Variants in IMPA1 observed in about 807,000 individuals in gnomAD.
The protein encoded by IMPA1 is D-galactose 1-phosphate phosphatase.
A neutral mutation model predicts 34.9 loss-of-function variants in IMPA1; 21 were observed. The observed-to-expected ratio is 0.60, with a 90% CI of 0.43 to 0.87. The LOEUF (loss-of-function observed/expected upper bound fraction) is 0.87, where lower values mean the gene tolerates loss of function less well. Ranked by LOEUF, IMPA1 falls within the 40% of genes least tolerant of loss-of-function variation. IMPA1 has a pLI of 0.00. For missense variants in IMPA1, 299 were observed against 336.4 expected (o/e 0.89, Z 0.87); for synonymous variants, 95 against 104.4 (o/e 0.91, Z 0.55).
chr8:81,660,110 G>A (rs752114066), intron 8 of IMPA1, among the ~76,000 whole-genome samples: 34 of 152,220 alleles, frequency 2.2e-4, no homozygotes, highest in Admixed American at 5.2e-4. Flanking sequence ...CACTAATGAC[G>A]GCTGATGAGC....
At chr8:81,667,556 AG>A (rs1429854681) in intron 7 of IMPA1, among the ~76,000 whole-genome samples, 15 of 152,132 alleles carry the variant, frequency 9.9e-5, no homozygotes. Context: ...AAGAATTCAG[AG>A]GAGCAGGCTA....
At chr8:81,663,483 C>A (rs1404300585) in intron 7 of IMPA1, among the ~76,000 whole-genome samples, 1 of 152,110 alleles carries the variant, frequency 6.6e-6, no homozygotes, top group African/African-American at 2.4e-5. Context: ...GGATTCTAGC[C>A]CTATTTCTAT....
intron 1 of IMPA1, among the ~76,000 whole-genome samples, chr8:81,684,665 A>G (rs1205449239): frequency 4.2e-5 from 6 of 141,794 alleles, no homozygotes; most frequent in Admixed American, 2.9e-4. Flanking sequence ...TATACTACAC[A>G]TAAGTATATT....
intron 1 of IMPA1, 133 bp downstream of exon 1, chr8:81,686,119 A>G: frequency 5.0e-6 from 4 of 807,550 alleles, no homozygotes; most frequent in Non-Finnish European, 6.7e-6. Context: ...GGGGTCACCC[A>G]GAGGCTGCCT....
rs757722445 is a variant in IMPA1 at position 81,681,485 on chromosome 8, T to C, written c.63+13A>G. The C allele has an allele frequency of 6.8e-7, 1 of 1,468,666 alleles. No homozygotes were observed. The highest frequency in any genetic ancestry group is 1.7e-5 in the Admixed American group (1 of 59,812). 91.0% of individuals were successfully genotyped at this position (1,468,666 alleles called of 1,614,324 possible). A position where few individuals can be genotyped will look rare whatever the true frequency, so the allele number is the denominator to read the frequency against. On this transcript the variant is annotated intron_variant, in intron 2 of 8. Coordinates refer to ENST00000256108, the MANE Select transcript of IMPA1 (RefSeq NM_005536.4). ...TTATAATTGATTATAATTGACAAAA[T>C]CTTAGCTCATACCTCTCCAGCTTGT... is the stretch of plus-strand genomic sequence containing the variant.
At chr8:81,660,426 A>G (rs1293104596) in intron 8 of IMPA1, 90 bp downstream of exon 8, 4 of 1,145,304 alleles carry the variant, frequency 3.5e-6, no homozygotes, top group Non-Finnish European at 5.1e-6. Flanking sequence ...AAACTGCAGT[A>G]TAACATATAT....
chr8:81,684,587 GTATCTTTAGATATATATATCTAGTA>G lies in IMPA1; in HGVS notation c.-25+1640_-25+1664del, dbSNP rs200432252. Among the ~76,000 whole-genome samples the G allele has an allele frequency of 7.9e-3, 1,053 of 132,928 alleles. 67 individuals are homozygous for G. Among genetic ancestry groups the G allele is most frequent in the Non-Finnish European group, 9.4e-3 (592 of 62,868 alleles). The allele number at this position is 132,928 out of a possible 152,430, so 87.2% of individuals were successfully genotyped here. A position where few individuals can be genotyped will look rare whatever the true frequency, so the allele number is the denominator to read the frequency against. ...TGTGTAGTATATATACTACACATAA[GTATCTTTAGATATATATATCTAGTA>G]TATATATACTACACATAAGTATATA... is the stretch of plus-strand genomic sequence containing the variant. On this transcript the variant is annotated intron_variant, in intron 1 of 8. Coordinates refer to ENST00000256108, the MANE Select transcript of IMPA1 (RefSeq NM_005536.4).
At chr8:81,680,533 G>C in intron 3 of IMPA1, 117 bp downstream of exon 3, 2 of 737,706 alleles carry the variant, frequency 2.7e-6, no homozygotes, top group Non-Finnish European at 4.4e-6. Flanking sequence ...CCAACACTTT[G>C]ACTGTAACTT....
chr8:81,669,409 T>C (rs1380316548), intron 7 of IMPA1, among the ~76,000 whole-genome samples: 2 of 152,220 alleles, frequency 1.3e-5, no homozygotes, highest in Non-Finnish European at 2.9e-5. Context: ...CCAGAGGCCT[T>C]TACCCAGCCC....
At chr8:81,674,702 C>A in intron 5 of IMPA1, 1 of 385,392 alleles carries the variant, frequency 2.6e-6, no homozygotes, top group Admixed American at 3.5e-5. Flanking sequence ...AGGCTTTTTT[C>A]TTCCTTCTCC....
chr8:81,661,470 T>C (rs1482371916), intron 7 of IMPA1, among the ~76,000 whole-genome samples: 1 of 152,262 alleles, frequency 6.6e-6, no homozygotes, highest in Non-Finnish European at 1.5e-5. Flanking sequence ...ACATTACTTT[T>C]GCGGCATTCC....
chr8:81,673,922 C>T lies in IMPA1; in HGVS notation c.376G>A (p.Val126Met), dbSNP rs1241114808. 1 of 1,611,074 alleles carries T rather than the reference C, an allele frequency of 6.2e-7. No individual in the cohort carries two copies. The highest frequency in any genetic ancestry group is 1.1e-5 in the South Asian group (1 of 90,980). Reference sequence around the variant, plus strand: ...CTGGCAGTGTACATCTTGCCTTCCACACAACTGTACACAACTCCAAATTCT... The same window carrying T: ...CTGGCAGTGTACATCTTGCCTTCCATACAACTGTACACAACTCCAAATTCT... ...KIEFGVVYSC[V>M]EGKMYTARKG... is the part of the protein sequence containing the mutation. The change falls in exon 6 of 9, where the codon GTG becomes ATG. Residue 126 changes from valine (V) to methionine (M), a missense_variant. Physicochemically the swap from Val to Met is conservative, Grantham distance 21. Coordinates refer to ENST00000256108, the MANE Select transcript of IMPA1 (RefSeq NM_005536.4).
chr8:81,667,684 G>A (rs76154096), intron 7 of IMPA1, among the ~76,000 whole-genome samples: 7,751 of 152,158 alleles, frequency 0.051, 219 homozygotes, highest in Middle Eastern at 0.14. Context: ...GCTCTGACCA[G>A]AATGCTAATA....
Position 81,657,318 on chromosome 8 carries a change from G to A in IMPA1, c.*2033C>T, listed in dbSNP as rs1452780099. On this transcript the variant is annotated 3_prime_UTR_variant, in exon 9 of 9. Transcript: ENST00000256108. ...CCTCTAAAAGTATGTTGGGTGCAAT[G>A]GCTCACATCTGTAATCCCAGCACTT... is the stretch of plus-strand genomic sequence containing the variant. Among the ~76,000 whole-genome samples the A allele has an allele frequency of 2.0e-5, 3 of 152,182 alleles. No homozygotes were observed. Among genetic ancestry groups the A allele is most frequent in the Non-Finnish European group, 4.4e-5 (3 of 68,032 alleles).
At chr8:81,686,076 C>G in intron 1 of IMPA1, 176 bp downstream of exon 1, 2 of 987,842 alleles carry the variant, frequency 2.0e-6, no homozygotes, top group South Asian at 2.2e-5. Flanking sequence ...TGTTCCCGGT[C>G]GCCCAGGGCA....
rs547070757 is a variant in IMPA1 at position 81,665,773 on chromosome 8, C to G, written c.567-5106G>C. On this transcript the variant is annotated intron_variant, in intron 7 of 8. Coordinates refer to ENST00000256108, the MANE Select transcript of IMPA1 (RefSeq NM_005536.4). ...AAAATTAGATTTGCATCAGATTTCT[C>G]AAAAACAATATACAAAGCAAGGCAA... Among the ~76,000 whole-genome samples the G allele has an allele frequency of 4.6e-5, 7 of 152,208 alleles. No homozygotes were observed. The East Asian group carries it at 9.6e-4, about 21-fold the overall frequency.
intron 8 of IMPA1, among the ~76,000 whole-genome samples, chr8:81,659,693 A>T (rs1439295592): frequency 1.3e-5 from 2 of 152,206 alleles, no homozygotes; most frequent in Non-Finnish European, 2.9e-5. Flanking sequence ...AGAAAATGTC[A>T]TATTTTCTCT....
rs1806574711 is a variant in IMPA1 at position 81,658,347 on chromosome 8, T to A, written c.*1004A>T. ...AAATATTTTTAAAGGCTGAACAGAA[T>A]CCAGCGGCAATGAAGTTAATTAAAT... On this transcript the variant is annotated 3_prime_UTR_variant, in exon 9 of 9. Transcript: ENST00000256108. 1 of 152,072 alleles carries A rather than the reference T, an allele frequency of 6.6e-6. No individual in the cohort carries two copies. Among genetic ancestry groups the A allele is most frequent in the African/African-American group, 2.4e-5 (1 of 41,388 alleles). The allele number at this position is 152,072 out of a possible 1,614,324, so 9.4% of individuals were successfully genotyped here. A position where few individuals can be genotyped will look rare whatever the true frequency, so the allele number is the denominator to read the frequency against.
rs1185917328 is a variant in IMPA1 at position 81,677,126 on chromosome 8, G to C, written c.303-847C>G. On this transcript the variant is annotated intron_variant, in intron 4 of 8. Coordinates refer to ENST00000256108, the MANE Select transcript of IMPA1 (RefSeq NM_005536.4). ...TTTTTTTTTTTGGAGACGAAGTTAA[G>C]CTCTTGTTGCCCAGGCTGGAGTGCA... 9.3e-5 allele frequency among the ~76,000 whole-genome samples: 14 copies of C among 150,472 alleles called. No individual in the cohort carries two copies. In the East Asian group the frequency reaches 2.7e-3, roughly 29 times the overall value.
Sources: gnomAD v4.1 joint callset for allele counts (sites outside exome capture counted in the v4.1 genomes callset) on GRCh38, gnomAD v4.1.1 for gene constraint, MANE v1.5 for transcripts, NCBI Gene and HGNC (gene_info 2026-07-23, HGNC 2026-07-21) for gene names.